The following STK40 variants were observed in gnomAD, a reference collection of about 807,000 sequenced individuals.
STK40 encodes the protein serine/threonine kinase 40.
In STK40, 13 loss-of-function variants were observed where a neutral mutation model predicts 47.9. That is an observed-to-expected ratio of 0.27 (90% CI 0.18 to 0.43). The LOEUF (loss-of-function observed/expected upper bound fraction) is 0.43. STK40 is among the 20% of genes least tolerant of loss of function. STK40 has a pLI of 1.00. For missense variants in STK40, 460 were observed against 595.1 expected (o/e 0.77, Z 2.36); for synonymous variants, 225 against 243.2 (o/e 0.93, Z 0.69).
At chr1:36,358,589 G>T in intron 3 of STK40, 148 bp downstream of exon 3, 1 of 1,095,154 alleles carries the variant, frequency 9.1e-7, no homozygotes, top group Non-Finnish European at 1.3e-6. Context: ...AAGTTGTTCT[G>T]AGGGAGACTG....
At chr1:36,347,580 C>T (rs897404318) in intron 7 of STK40, among the ~76,000 whole-genome samples, 12 of 151,954 alleles carry the variant, frequency 7.9e-5, no homozygotes, top group African/African-American at 1.9e-4. Flanking sequence ...AAACAGATAA[C>T]GCGAGTCACG....
intron 3 of STK40, 150 bp from the exon 4 acceptor site, chr1:36,358,532 A>G: frequency 8.0e-7 from 1 of 1,251,284 alleles, no homozygotes; most frequent in South Asian, 1.5e-5. Context: ...GTTTTTCTTA[A>G]TATGATGGTG....
intron 1 of STK40, chr1:36,362,550 G>C (rs1646861952): frequency 6.6e-6 from 1 of 152,174 alleles, no homozygotes; most frequent in Admixed American, 6.5e-5. Flanking sequence ...ATAGAGGCCT[G>C]ACACCCACCT....
At position 36,340,799 on chromosome 1, in the gene STK40, C is replaced by G. The variant is rs1449432367; in HGVS notation, c.*956G>C. 6.6e-6 allele frequency: 1 copy of G among 152,344 alleles called. No individual in the cohort carries two copies. Among genetic ancestry groups the G allele is most frequent in the African/African-American group, 2.4e-5 (1 of 41,462 alleles). 9.4% of individuals were successfully genotyped at this position (152,344 alleles called of 1,614,324 possible). On this transcript the variant is annotated 3_prime_UTR_variant, in exon 11 of 11. Coordinates refer to ENST00000373132, the MANE Select transcript of STK40 (RefSeq NM_001282547.2). ...GGATATGTTCCCACCATCCCCTAAA[C>G]ACAAGAGTAGGCTAGGGGAGCGTGC... is the stretch of plus-strand genomic sequence containing the variant.
intron 4 of STK40, 99 bp from the exon 5 acceptor site, chr1:36,355,532 G>A: frequency 7.7e-7 from 1 of 1,292,838 alleles, no homozygotes; most frequent in Non-Finnish European, 1.1e-6. Context: ...TCAAACCAGT[G>A]AGGGAGCCTG....
intron 1 of STK40, among the ~76,000 whole-genome samples, chr1:36,372,159 A>G (rs1557521921): frequency 6.6e-6 from 1 of 151,890 alleles, no homozygotes; most frequent in African/African-American, 2.4e-5. Flanking sequence ...ACCTCCCCAC[A>G]ACACACACAC....
At chr1:36,345,981 A>T (rs1646696254) in intron 7 of STK40, among the ~76,000 whole-genome samples, 4 of 10,258 alleles carry the variant, frequency 3.9e-4, no homozygotes, top group Admixed American at 1.6e-3. Context: ...ATATATATAT[A>T]TATATATATA....
At chr1:36,373,994 A>G (rs1646971367) in intron 1 of STK40, among the ~76,000 whole-genome samples, 1 of 152,222 alleles carries the variant, frequency 6.6e-6, no homozygotes, top group Non-Finnish European at 1.5e-5. Context: ...AGGGGCGGTC[A>G]GCAAGAGGGC....
Position 36,344,205 on chromosome 1 carries a change from T to G in STK40, c.799A>C (p.Met267Leu), listed in dbSNP as rs572867841. Residue 267 changes from methionine (M) to leucine (L), a missense_variant, in exon 8 of 11, where the codon ATG becomes CTG. By Grantham distance (15) the Met-to-Leu change is conservative. Around this residue, in one of 3 missense-constraint regions of STK40, gnomAD observed 277 missense variants for 358.7 expected, o/e 0.77. Coordinates refer to ENST00000373132, the MANE Select transcript of STK40 (RefSeq NM_001282547.2). ...MWALGVVLFT[M>L]LYGQFPFYDS... is the part of the protein sequence containing the mutation. ...TAGAAGGGGAACTGGCCATACAGCA[T>G]GGTGAAGAGCACCACGCCCAGGGCC... 6.2e-7 allele frequency: 1 copy of G among 1,611,918 alleles called. No homozygotes were observed.
In STK40 at chr1:36,343,512, A is replaced by G. The variant is rs1646672893; in HGVS notation, c.1005-64T>C. The G allele has an allele frequency of 3.4e-6, 5 of 1,474,848 alleles. 1 individual carries two copies. In the Admixed American group the frequency reaches 9.5e-5, roughly 28 times the overall value. 91.4% of individuals were successfully genotyped at this position (1,474,848 alleles called of 1,614,324 possible). On this transcript the variant is annotated intron_variant, in intron 9 of 10. Coordinates refer to ENST00000373132, the MANE Select transcript of STK40 (RefSeq NM_001282547.2). ...ACCAGGTCCATTGATCCCAGACTTAACTGGAGTCAGACACACCTGGGTTGT... is the reference window on the plus strand; with the variant it reads ...ACCAGGTCCATTGATCCCAGACTTAGCTGGAGTCAGACACACCTGGGTTGT...
At chr1:36,380,586 C>A (rs926316270) in intron 1 of STK40, among the ~76,000 whole-genome samples, 1 of 152,184 alleles carries the variant, frequency 6.6e-6, no homozygotes, top group African/African-American at 2.4e-5. Context: ...CTGAGAAAGC[C>A]TCTCTCCCCT....
chr1:36,348,601 G>T, intron 7 of STK40, 99 bp downstream of exon 7: 1 of 1,088,986 alleles, frequency 9.2e-7, no homozygotes, highest in Non-Finnish European at 1.4e-6. Context: ...TGAAGCCCCA[G>T]CACCTTGCCC....
intron 7 of STK40, among the ~76,000 whole-genome samples, chr1:36,346,600 A>G (rs1029130364): frequency 6.6e-6 from 1 of 152,226 alleles, no homozygotes; most frequent in Non-Finnish European, 1.5e-5. Flanking sequence ...GGAGGCCGTG[A>G]TCACACAGCT....
chr1:36,344,744 G>GCAGTGTTCT (rs1646685624), intron 7 of STK40, among the ~76,000 whole-genome samples: 1 of 152,196 alleles, frequency 6.6e-6, no homozygotes, highest in Admixed American at 6.5e-5. Flanking sequence ...GTTCTCAGGT[G>GCAGTGTTCT]CAGGTGCCTC....
chr1:36,366,518 C>G (rs183314301), intron 1 of STK40, among the ~76,000 whole-genome samples: 99 of 152,286 alleles, frequency 6.5e-4, no homozygotes, highest in Middle Eastern at 3.4e-3. Context: ...AAAGACACAG[C>G]TCCCAGGGAC....
intron 6 of STK40, among the ~76,000 whole-genome samples, chr1:36,351,490 T>C (rs1413171073): frequency 1.3e-5 from 2 of 151,586 alleles, no homozygotes; most frequent in Non-Finnish European, 2.9e-5. Flanking sequence ...GAGCAGTGAG[T>C]CTCTCTGCAC....
chr1:36,340,496 T>TG lies in STK40; in HGVS notation c.*1258dup, dbSNP rs1275008214. On this transcript the variant is annotated 3_prime_UTR_variant, in exon 11 of 11. Transcript: ENST00000373132. ...GACACTCAGCCTCTCTGAGGACATA[T>TG]GGGGGGTAGGCCTCTGGGGAAGGGT... 6.6e-6 allele frequency: 1 copy of TG among 152,124 alleles called. No individual in the cohort carries two copies. The highest frequency in any genetic ancestry group is 1.5e-5 in the Non-Finnish European group (1 of 68,038). 9.4% of individuals were successfully genotyped at this position (152,124 alleles called of 1,614,324 possible). A position where few individuals can be genotyped will look rare whatever the true frequency, so the allele number is the denominator to read the frequency against.
chr1:36,361,855 C>T (rs898374661), intron 1 of STK40, among the ~76,000 whole-genome samples: 8 of 152,132 alleles, frequency 5.3e-5, no homozygotes, highest in East Asian at 1.9e-4. Context: ...GCTTGTTACA[C>T]GAGGCCTGGG....
At chr1:36,366,962 G>C (rs1399124433) in intron 1 of STK40, among the ~76,000 whole-genome samples, 1 of 149,820 alleles carries the variant, frequency 6.7e-6, no homozygotes, top group African/African-American at 2.5e-5. Flanking sequence ...AGCCTCCCAA[G>C]TACCTGAGAT....
Sources: gnomAD v4.1 joint callset for allele counts (sites outside exome capture counted in the v4.1 genomes callset) on GRCh38, gnomAD v4.1.1 for gene constraint, gnomAD v4.1.1 regional missense constraint, MANE v1.5 for transcripts, NCBI Gene and HGNC (gene_info 2026-07-23, HGNC 2026-07-21) for gene names.